The following GPC5 variants were observed in gnomAD, a reference collection of about 807,000 sequenced individuals.
GPC5 encodes glypican-5.
A neutral mutation model predicts 53.9 loss-of-function variants in GPC5; 47 were observed. The observed-to-expected ratio is 0.87, with a 90% confidence interval of 0.69 to 1.11. The LOEUF (loss-of-function observed/expected upper bound fraction) is 1.11, where lower values mean the gene tolerates loss of function less well. GPC5 is among the 50% of genes most tolerant of loss of function. The pLI is 0.00. For missense variants in GPC5, 748 were observed against 713.1 expected, an observed-to-expected ratio of 1.05 and a Z score of -0.56; for synonymous variants, 286 against 263.3, an observed-to-expected ratio of 1.09 and a Z score of -0.84.
chr13:92,369,758 C>A (rs1466450527), intron 7 of GPC5, among the ~76,000 whole-genome samples: 1 of 152,148 alleles, frequency 6.6e-6, no homozygotes, highest in Admixed American at 6.5e-5. Flanking sequence ...CTTTCCTTAC[C>A]TTTGCCTGTG....
rs1283939764 is a variant in GPC5, at chr13:92,513,538, TTCTC to T, written c.1562-352741_1562-352738del. ...TCTCTCTCATTCTCTTTCCCTCCCT[TTCTC>T]TCCCTTTCCTTTCCTTTCCTTTCCT... On this transcript the variant is annotated intron_variant, in intron 7 of 7. Coordinates refer to ENST00000377067, the MANE Select transcript of GPC5 (RefSeq NM_004466.6). Among the ~76,000 whole-genome samples the T allele has an allele frequency of 3.1e-5, 3 of 95,442 alleles. No homozygotes were observed. In the Admixed American group the frequency reaches 3.7e-4, roughly 12 times the overall value. The allele number at this position is 95,442 out of a possible 152,430, so 62.6% of individuals were successfully genotyped here.
intron 7 of GPC5, among the ~76,000 whole-genome samples, chr13:92,565,567 A>G (rs761510252): frequency 2.6e-5 from 4 of 152,070 alleles, no homozygotes; most frequent in South Asian, 4.1e-4. Flanking sequence ...TAAAATAAAG[A>G]GTTAATAACT....
chr13:92,819,893 AG>A (rs1877616342), intron 7 of GPC5, among the ~76,000 whole-genome samples: 1 of 152,164 alleles, frequency 6.6e-6, no homozygotes, highest in Admixed American at 6.5e-5. Flanking sequence ...CTTTCTTGTT[AG>A]GAAAAAAAAT....
chr13:91,543,392 GTATT>G (rs1184579299), intron 2 of GPC5, among the ~76,000 whole-genome samples: 6 of 152,030 alleles, frequency 3.9e-5, no homozygotes, highest in Non-Finnish European at 8.8e-5. Flanking sequence ...ATTAAATGAA[GTATT>G]TATTTATTAT....
chr13:92,588,211 T>A (rs1446407073), intron 7 of GPC5, among the ~76,000 whole-genome samples: 4 of 152,206 alleles, frequency 2.6e-5, no homozygotes, highest in Non-Finnish European at 5.9e-5. Context: ...TTACTAAGGA[T>A]GATGGTTTCC....
intron 2 of GPC5, among the ~76,000 whole-genome samples, chr13:91,466,696 T>C (rs78272601): frequency 6.6e-6 from 1 of 151,882 alleles, no homozygotes; most frequent in Non-Finnish European, 1.5e-5. Flanking sequence ...GAAGGAAAAT[T>C]TCAGAGGACT....
chr13:92,416,896 C>G (rs1389068977), intron 7 of GPC5, among the ~76,000 whole-genome samples: 2 of 151,954 alleles, frequency 1.3e-5, no homozygotes, highest in Admixed American at 6.6e-5. Flanking sequence ...ATTTAAAATA[C>G]AAATGTATTT....
chr13:91,949,267 G>C (rs1267716855), intron 6 of GPC5, among the ~76,000 whole-genome samples: 1 of 152,104 alleles, frequency 6.6e-6, no homozygotes, highest in Non-Finnish European at 1.5e-5. Flanking sequence ...AATAAAAAGA[G>C]GCTGATGTCA....
chr13:92,098,702 CA>C (rs1292063919), intron 6 of GPC5, among the ~76,000 whole-genome samples: 1 of 152,112 alleles, frequency 6.6e-6, no homozygotes, highest in Non-Finnish European at 1.5e-5. Flanking sequence ...TTTAATATAG[CA>C]ACATTAGTCT....
At chr13:91,950,269 T>G (rs1004150789) in intron 6 of GPC5, among the ~76,000 whole-genome samples, 3 of 143,932 alleles carry the variant, frequency 2.1e-5, no homozygotes, top group Non-Finnish European at 4.4e-5. Flanking sequence ...CTGCCAAGTT[T>G]TTTTTTTTTT....
At chr13:91,847,619 A>G (rs939650606) in intron 5 of GPC5, among the ~76,000 whole-genome samples, 5 of 152,218 alleles carry the variant, frequency 3.3e-5, no homozygotes, top group Non-Finnish European at 5.9e-5. Flanking sequence ...AATTAAGATC[A>G]AAAGAATAAT....
chr13:92,612,609 C>T (rs1884474784), intron 7 of GPC5, among the ~76,000 whole-genome samples: 1 of 152,058 alleles, frequency 6.6e-6, no homozygotes, highest in Non-Finnish European at 1.5e-5. Flanking sequence ...CAAACATACA[C>T]AACTTCCTTT....
At chr13:92,679,017 G>A (rs571224814) in intron 7 of GPC5, among the ~76,000 whole-genome samples, 8 of 152,116 alleles carry the variant, frequency 5.3e-5, no homozygotes, top group Admixed American at 5.2e-4. Context: ...GGGGGAAATG[G>A]ATTAAGAAAA....
At chr13:92,341,161 A>G (rs2043363174) in intron 7 of GPC5, among the ~76,000 whole-genome samples, 1 of 152,194 alleles carries the variant, frequency 6.6e-6, no homozygotes, top group Non-Finnish European at 1.5e-5. Flanking sequence ...AGTTGATAAA[A>G]TAGTTTAAAA....
intron 7 of GPC5, among the ~76,000 whole-genome samples, chr13:92,587,314 A>G (rs1231689828): frequency 6.6e-6 from 1 of 152,192 alleles, no homozygotes; most frequent in Non-Finnish European, 1.5e-5. Context: ...TTATGTTTTA[A>G]TTTATCCTTA....
intron 6 of GPC5, among the ~76,000 whole-genome samples, chr13:91,935,712 A>T (rs184643884): frequency 3.2e-4 from 48 of 152,012 alleles, no homozygotes; most frequent in African/African-American, 1.1e-3. Context: ...AACACAGCTA[A>T]TGCATGGGAG....
intron 6 of GPC5, 135 bp downstream of exon 6, chr13:91,908,192 G>A (rs1010144427): frequency 8.9e-6 from 6 of 676,438 alleles, no homozygotes; most frequent in Middle Eastern, 3.7e-4. Flanking sequence ...TTTGTATCAG[G>A]ACATTTGGAA....
At chr13:92,535,402 A>G (rs974237969) in intron 7 of GPC5, among the ~76,000 whole-genome samples, 2 of 152,106 alleles carry the variant, frequency 1.3e-5, no homozygotes, top group Non-Finnish European at 2.9e-5. Context: ...GCCGCAACCC[A>G]GGAGACTGGA....
At chr13:92,707,035 A>G (rs774427543) in intron 7 of GPC5, among the ~76,000 whole-genome samples, 3 of 152,166 alleles carry the variant, frequency 2.0e-5, no homozygotes, top group Non-Finnish European at 2.9e-5. Context: ...ACGGCCAGGA[A>G]GAAGACCCTC....
Sources: allele counts gnomAD v4.1 joint callset (sites outside exome capture counted in the v4.1 genomes callset), GRCh38; gene constraint gnomAD v4.1.1; transcripts MANE v1.5; gene names NCBI Gene and HGNC (gene_info 2026-07-23, HGNC 2026-07-21).